TTN: variants seen among roughly 807,000 people sequenced by gnomAD.
The protein encoded by TTN is connectin.
Under a neutral mutation model 3,223.0 loss-of-function variants are expected in TTN, and 1,525 were observed. The ratio of observed to expected loss-of-function variants is 0.47; its 90% confidence interval spans 0.45 to 0.49. The LOEUF (loss-of-function observed/expected upper bound fraction) is 0.49, where lower values mean the gene tolerates loss of function less well. TTN is among the 20% of genes least tolerant of loss of function. The pLI is 0.00. For synonymous variants in TTN, 14,094 were observed against 15,161.0 expected (o/e 0.93, Z 5.17); for missense variants, 40,786 against 43,424.0 (o/e 0.94, Z 5.40).
At position 178,580,442 on chromosome 2, in the gene TTN, T is replaced by A; in HGVS notation, c.66937A>T (p.Thr22313Ser). The change falls in exon 317 of 363, where the codon ACT (threonine) becomes TCT (serine). Residue 22313 changes from threonine (T) to serine (S), a missense_variant. Thr to Ser is a moderately conservative substitution (Grantham distance 58, BLOSUM62 1). Coordinates refer to ENST00000589042, the MANE Select transcript of TTN (RefSeq NM_001267550.2). Reference sequence around the variant, plus strand: ...CAGCGCAAGAAAGTGTCAAAGTCAGTTGACTTTATGTCCAGTCCAATCCTG... The same window carrying A: ...CAGCGCAAGAAAGTGTCAAAGTCAGATGACTTTATGTCCAGTCCAATCCTG... ...RDRIGLDIKSTDFDTFLRCEN... is the reference protein window; with the variant it reads ...RDRIGLDIKSSDFDTFLRCEN... 6.2e-7 allele frequency: 1 copy of A among 1,613,274 alleles called. No individual in the cohort carries two copies. The highest frequency in any genetic ancestry group is 1.7e-5 in the Admixed American group (1 of 59,984).
chr2:178,729,230 T>C, intron 64 of TTN, 58 bp downstream of exon 64: 1 of 1,549,140 alleles, frequency 6.5e-7, no homozygotes, highest in Non-Finnish European at 8.7e-7. Context: ...CCCATAATGA[T>C]AAGATTTAAA....
intron 121 of TTN, 74 bp from the exon 122 acceptor site, chr2:178,689,970 A>G: frequency 8.1e-7 from 1 of 1,242,028 alleles, no homozygotes; most frequent in Non-Finnish European, 1.2e-6. Context: ...ACATGCACAA[A>G]TCTTTATGTA....
Position 178,652,297 on chromosome 2 carries a change from G to A in TTN, c.39178C>T (p.Pro13060Ser). Residue 13060 changes from proline to serine, a missense_variant, in exon 203 of 363, where the codon CCT becomes TCT. Transcript: ENST00000589042. ...GGTGGCACTTCAGGCTTTTTAGGAG[G>A]AGGCACTGGCACTTTCTTTTCAGGA... Reference protein sequence around the residue: ...VVPEKKVPVPPPKKPEVPPTK... With the variant: ...VVPEKKVPVPSPKKPEVPPTK... The A allele has an allele frequency of 6.8e-6, 11 of 1,613,700 alleles. No individual in the cohort carries two copies. The highest frequency in any genetic ancestry group is 9.3e-6 in the Non-Finnish European group (11 of 1,179,716).
In TTN at chr2:178,537,499, A is replaced by T. The variant is rs2154138281; in HGVS notation, c.99708T>A (p.Leu33236=). The T allele has an allele frequency of 6.2e-7, 1 of 1,613,710 alleles. No homozygotes were observed. Among genetic ancestry groups the T allele is most frequent in the Middle Eastern group, 1.7e-4 (1 of 6,060 alleles). The part of the protein sequence containing the change: ...PAMTWFHGQK[L]LQNSENITIE... ...TAGTAATGTTTTCTGAGTTTTGCAA[A>T]AGTTTCTGACCATGGAACCAAGTCA... The change falls in exon 355 of 363, where the codon CTT becomes CTA. Residue 33236 remains leucine, a synonymous_variant. Transcript: ENST00000589042.
Position 178,751,291 on chromosome 2 carries a change from T to G in TTN, c.11311+1833A>C. 1.9e-6 allele frequency: 3 copies of G among 1,611,390 alleles called. No homozygotes were observed. The highest frequency in any genetic ancestry group is 2.5e-6 in the Non-Finnish European group (3 of 1,178,948). ...ATGTTTTTCTAGCCTCCCTTAAACG[T>G]TGCAACTTCACTTTGGTCTCCTTGT... On this transcript the variant is annotated intron_variant, in intron 47 of 362. Transcript: ENST00000589042.
chr2:178,530,040 G>C lies in TTN; in HGVS notation c.106451C>G (p.Thr35484Ser), dbSNP rs754163825. 3.1e-6 allele frequency: 5 copies of C among 1,610,710 alleles called. No individual in the cohort carries two copies. The highest frequency in any genetic ancestry group is 4.2e-6 in the Non-Finnish European group (5 of 1,179,070). The change falls in exon 359 of 363, where the codon ACT becomes AGT. Residue 35484 changes from threonine to serine, a missense_variant. Thr to Ser is a moderately conservative substitution (Grantham distance 58). Transcript: ENST00000589042. ...ACAAGTATAAAGTCCACTGTCAGAA[G>C]TATCAGTCTTATGAATTTCTAAGAA... ...GFFLEIHKTD[T>S]SDSGLYTCTV...
chr2:178,588,403 G>A lies in TTN; in HGVS notation c.63187+135C>T, dbSNP rs377282798. 1.4e-5 allele frequency: 17 copies of A among 1,226,762 alleles called. No homozygotes were observed. In the South Asian group the frequency reaches 2.4e-4, roughly 17 times the overall value. 76.0% of individuals were successfully genotyped at this position (1,226,762 alleles called of 1,614,324 possible). On this transcript the variant is annotated intron_variant, in intron 304 of 362. Coordinates refer to ENST00000589042, the MANE Select transcript of TTN (RefSeq NM_001267550.2). ...TACCTTTTAGGTATTTTGGTAAAAG[G>A]TCTATTTGGAAAAATATTTGCTAAA... is the stretch of plus-strand genomic sequence containing the variant.
chr2:178,593,812 G>A lies in TTN; in HGVS notation c.58488C>T (p.Tyr19496=). The A allele has an allele frequency of 1.2e-6, 2 of 1,612,922 alleles. No homozygotes were observed. Among genetic ancestry groups the A allele is most frequent in the South Asian group, 1.1e-5 (1 of 91,042 alleles). Reference sequence around the variant, plus strand: ...AAGGAGGCTTCCAAGAGATAACCATGTAATCTTTGGTCACCTCATCAAAAC... The same window carrying A: ...AAGGAGGCTTCCAAGAGATAACCATATAATCTTTGGTCACCTCATCAAAAC... ...PVSFDEVTKD[Y]MVISWKPPLD... Residue 19496 remains tyrosine (Y), a synonymous_variant, in exon 298 of 363, where the codon TAC becomes TAT. Coordinates refer to ENST00000589042, the MANE Select transcript of TTN (RefSeq NM_001267550.2).
At chr2:178,618,140 G>A in intron 252 of TTN, 49 bp downstream of exon 252, 1 of 1,610,200 alleles carries the variant, frequency 6.2e-7, no homozygotes, top group South Asian at 1.1e-5. Flanking sequence ...TGAAGGCAAA[G>A]ACTGCAATTT....
intron 47 of TTN, chr2:178,748,329 T>C (rs770247086): frequency 6.2e-7 from 1 of 1,613,062 alleles, no homozygotes; most frequent in Admixed American, 1.7e-5. Context: ...TCAATACTAC[T>C]TTTCTCCACC....
At chr2:178,696,383 ATTTG>A (rs2073718436) in intron 113 of TTN, 114 bp from the exon 114 acceptor site, 1 of 975,220 alleles carries the variant, frequency 1.0e-6, no homozygotes, top group Non-Finnish European at 1.4e-6. Context: ...TTTATTGATA[ATTTG>A]TTTTTTTTTT....
At chr2:178,737,975 G>T in intron 49 of TTN, 107 bp downstream of exon 49, 2 of 1,420,062 alleles carry the variant, frequency 1.4e-6, no homozygotes, top group Non-Finnish European at 1.9e-6. Flanking sequence ...CTTGGTTGTT[G>T]GTCTCTCCAG....
chr2:178,538,576 G>A lies in TTN; in HGVS notation c.99253C>T (p.Arg33085Cys), dbSNP rs748626206. The A allele has an allele frequency of 1.1e-5, 17 of 1,613,376 alleles. No homozygotes were observed. Among genetic ancestry groups the A allele is most frequent in the South Asian group, 7.7e-5 (7 of 91,012 alleles). Residue 33085 changes from arginine to cysteine, a missense_variant, in exon 354 of 363, where the codon CGC becomes TGC. Coordinates refer to ENST00000589042, the MANE Select transcript of TTN (RefSeq NM_001267550.2). The stretch of plus-strand genomic sequence containing the variant: ...GTCTTTATAGACATAGCAGTTCTGC[G>A]AGGTCTGCTCAGCCCAGTCTCATTC... ...AENETGLSRP[R>C]RTAMSIKTKL...
Position 178,646,531 on chromosome 2 carries a change from A to G in TTN, c.40251T>C (p.Pro13417=). Residue 13417 remains proline (P), a synonymous_variant, in exon 216 of 363, where the codon CCT becomes CCC. Transcript: ENST00000589042. ...GCTGTGGTTCAGGTTCGGGCTCTTC[A>G]GGTTTAATATACTTTTCAATTTCAC... ...EEREIEKYIK[P]EEPEPEPQPE... 1.9e-6 allele frequency: 3 copies of G among 1,547,792 alleles called. No homozygotes were observed. The highest frequency in any genetic ancestry group is 2.6e-6 in the Non-Finnish European group (3 of 1,145,048).
rs771349644 is a variant in TTN at position 178,707,542 on chromosome 2, T to C, written c.29025A>G (p.Ser9675=). ...TGTCTGTACCTTTAATGGTCACTTTTGATTTGGTAGTGTCACTTCCAGCCA... is the reference window on the plus strand; with the variant it reads ...TGTCTGTACCTTTAATGGTCACTTTCGATTTGGTAGTGTCACTTCCAGCCA... ...SNVAGSDTTK[S]KVTIKDKPAV... is the part of the protein sequence containing the mutation. Residue 9675 remains serine, a synonymous_variant, in exon 100 of 363, where the codon TCA becomes TCG. Transcript: ENST00000589042. 1 of 1,613,246 alleles carries C rather than the reference T, an allele frequency of 6.2e-7. No homozygotes were observed. Among genetic ancestry groups the C allele is most frequent in the African/African-American group, 1.3e-5 (1 of 74,928 alleles).
At chr2:178,648,957 T>A (rs2062464630) in intron 213 of TTN, among the ~76,000 whole-genome samples, 1 of 152,206 alleles carries the variant, frequency 6.6e-6, no homozygotes, top group South Asian at 2.1e-4. Context: ...TGATGTCTTG[T>A]TAATGGTCAA....
chr2:178,669,704 T>G (rs2066628752), intron 157 of TTN, 29 bp from the exon 158 acceptor site: 1 of 1,604,044 alleles, frequency 6.2e-7, no homozygotes, highest in Non-Finnish European at 8.5e-7. Context: ...ATCTTATTTT[T>G]TCAGAACATT....
rs1704369603 is a variant in TTN, at chr2:178,563,321, C to G, written c.82811G>C (p.Gly27604Ala). The G allele has an allele frequency of 1.2e-6, 2 of 1,613,606 alleles. No homozygotes were observed. The highest frequency in any genetic ancestry group is 4.5e-5 in the East Asian group (2 of 44,774). The change falls in exon 326 of 363, where the codon GGC (glycine) becomes GCC (alanine). Residue 27604 changes from glycine to alanine, a missense_variant. Gly to Ala is a moderately conservative substitution (Grantham distance 60, BLOSUM62 0). Transcript: ENST00000589042. This position sits in a 1 kb window ranked among gnomAD's most constrained non-coding sequence, Gnocchi z 4.5. ...PIYDGGAPVK[G>A]YVVEVKEAAA... is the part of the protein sequence containing the mutation. ...AGCTTCTTTGACCTCTACAACATAG[C>G]CTTTAACAGGTGCGCCACCATCATA...
At position 178,707,414 on chromosome 2, in the gene TTN, C is replaced by A. The variant is rs528069189; in HGVS notation, c.29041+112G>T. 7.0e-5 allele frequency: 92 copies of A among 1,310,396 alleles called. No individual in the cohort carries two copies. In the African/African-American group the frequency reaches 1.3e-3, roughly 18 times the overall value. 81.2% of individuals were successfully genotyped at this position (1,310,396 alleles called of 1,614,324 possible). On this transcript the variant is annotated intron_variant, in intron 100 of 362. Coordinates refer to ENST00000589042, the MANE Select transcript of TTN (RefSeq NM_001267550.2). The stretch of plus-strand genomic sequence containing the variant: ...AAGGAGCCTACAAATTGCAGATGAG[C>A]AACAACTGATATTTCTAAAAATCTA...
Sources: gnomAD v4.1 joint callset for allele counts (sites outside exome capture counted in the v4.1 genomes callset) on GRCh38, gnomAD v4.1.1 for gene constraint, Gnocchi (gnomAD v3.1) non-coding constraint, MANE v1.5 for transcripts, NCBI Gene and HGNC (gene_info 2026-07-23, HGNC 2026-07-21) for gene names.